PCBP3: variants seen among roughly 807,000 people sequenced by gnomAD.
PCBP3 encodes poly(rC) binding protein 3, also known as poly(rC)-binding protein 3.
Under a neutral mutation model 52.7 loss-of-function variants are expected in PCBP3, and 25 were observed. The ratio of observed to expected loss-of-function variants is 0.47; its 90% CI spans 0.35 to 0.66. The LOEUF (loss-of-function observed/expected upper bound fraction) is 0.66. Ranked by LOEUF, PCBP3 falls within the 30% of genes least tolerant of loss-of-function variation. The pLI is 0.01. For missense variants in PCBP3, 391 were observed against 490.3 expected (o/e 0.80, Z 1.91); for synonymous variants, 162 against 183.0 (o/e 0.89, Z 0.93).
chr21:45,714,877 C>T (rs1001785908), intron 2 of PCBP3, among the ~76,000 whole-genome samples: 7 of 152,120 alleles, frequency 4.6e-5, no homozygotes, highest in Non-Finnish European at 7.4e-5. Flanking sequence ...TATGACCCAC[C>T]GATGCCATTT....
intron 4 of PCBP3, among the ~76,000 whole-genome samples, chr21:45,822,198 C>A (rs532855038): frequency 6.6e-6 from 1 of 152,282 alleles, no homozygotes; most frequent in African/African-American, 2.4e-5. Context: ...GGCAGGACTC[C>A]TGCAGGCACA....
chr21:45,767,278 C>T (rs2089434296), intron 4 of PCBP3, among the ~76,000 whole-genome samples: 1 of 152,144 alleles, frequency 6.6e-6, no homozygotes, highest in African/African-American at 2.4e-5. Flanking sequence ...TTTGCCCATG[C>T]TGGGTATTTA....
intron 13 of PCBP3, chr21:45,918,713 C>G (rs2742204): frequency 9.2e-5 from 13 of 141,294 alleles, no homozygotes; most frequent in South Asian, 4.6e-4. Flanking sequence ...TCAGATAAAC[C>G]GTCGGTGTAA....
chr21:45,750,395 AC>A (rs56245641), intron 3 of PCBP3: 27,909 of 87,800 alleles, frequency 0.32, 4,820 homozygotes, highest in South Asian at 0.53. Context: ...CTGGGAGCAG[AC>A]CCCCCCCCCC....
intron 4 of PCBP3, among the ~76,000 whole-genome samples, chr21:45,794,516 C>A (rs1399625067): frequency 6.6e-6 from 1 of 152,200 alleles, no homozygotes; most frequent in Admixed American, 6.5e-5. Flanking sequence ...CTCATCAATT[C>A]ACCAAAAGGT....
intron 4 of PCBP3, among the ~76,000 whole-genome samples, chr21:45,834,304 C>T (rs1352430540): frequency 1.3e-5 from 2 of 152,236 alleles, no homozygotes; most frequent in Non-Finnish European, 2.9e-5. Flanking sequence ...GAGCGCCCTC[C>T]GACCAGGGCG....
intron 4 of PCBP3, among the ~76,000 whole-genome samples, chr21:45,779,451 G>C (rs752976594): frequency 6.6e-6 from 1 of 151,988 alleles, no homozygotes; most frequent in East Asian, 1.9e-4. Flanking sequence ...TCCTTAACTC[G>C]CTTTTGGTAT....
At chr21:45,649,019 C>T (rs542455317) in intron 1 of PCBP3, among the ~76,000 whole-genome samples, 28 of 152,254 alleles carry the variant, frequency 1.8e-4, no homozygotes, top group African/African-American at 6.3e-4. Context: ...TGTGTTACTA[C>T]AAGGTAATTG....
intron 5 of PCBP3, among the ~76,000 whole-genome samples, chr21:45,851,718 A>G (rs1356034807): frequency 1.3e-5 from 2 of 152,260 alleles, no homozygotes; most frequent in Non-Finnish European, 2.9e-5. Context: ...CACATTTGAA[A>G]ACATAGGTGA....
At chr21:45,905,207 T>C (rs770537482) in intron 9 of PCBP3, among the ~76,000 whole-genome samples, 1 of 152,174 alleles carries the variant, frequency 6.6e-6, no homozygotes, top group Non-Finnish European at 1.5e-5. Context: ...GCTAAAGCAC[T>C]AGTTGGGCAG....
At chr21:45,866,649 C>T (rs975081810) in intron 5 of PCBP3, among the ~76,000 whole-genome samples, 8 of 151,958 alleles carry the variant, frequency 5.3e-5, no homozygotes, top group African/African-American at 1.5e-4. Flanking sequence ...TGGTGGGAGG[C>T]GGGGGTGGCT....
chr21:45,670,593 A>G (rs192355075), intron 2 of PCBP3, among the ~76,000 whole-genome samples: 6 of 152,340 alleles, frequency 3.9e-5, no homozygotes, highest in Admixed American at 1.3e-4. Context: ...GGACAACCGG[A>G]TGAGTAGAAC....
chr21:45,940,231 C>A, intron 17 of PCBP3, 32 bp downstream of exon 17: 1 of 1,581,294 alleles, frequency 6.3e-7, no homozygotes, highest in Non-Finnish European at 8.6e-7. Flanking sequence ...CTGAGAGACG[C>A]CCGGAAAGGG....
intron 5 of PCBP3, among the ~76,000 whole-genome samples, chr21:45,889,208 A>G (rs1266821195): frequency 6.6e-6 from 1 of 152,106 alleles, no homozygotes; most frequent in Non-Finnish European, 1.5e-5. Context: ...GGGGCTTCAG[A>G]GACGGTGGAG....
chr21:45,667,121 CCCCTT>C (rs1194560201), intron 1 of PCBP3, among the ~76,000 whole-genome samples: 36 of 99,812 alleles, frequency 3.6e-4, no homozygotes, highest in African/African-American at 1.4e-3. Context: ...TCTTTCTTTC[CCCCTT>C]CCCTTCCCTT....
intron 16 of PCBP3, among the ~76,000 whole-genome samples, chr21:45,938,594 G>A (rs2149588587): frequency 6.6e-6 from 1 of 152,370 alleles, no homozygotes; most frequent in African/African-American, 2.4e-5. Context: ...TGAGCAGGGA[G>A]AGGGCTGGAC....
chr21:45,660,161 A>G (rs1441458826), intron 1 of PCBP3, among the ~76,000 whole-genome samples: 1 of 151,882 alleles, frequency 6.6e-6, no homozygotes, highest in Non-Finnish European at 1.5e-5. Context: ...ATATATATGT[A>G]TATATATGTA....
chr21:45,686,757 A>G (rs1477642817), intron 2 of PCBP3, among the ~76,000 whole-genome samples: 1 of 152,228 alleles, frequency 6.6e-6, no homozygotes, highest in Non-Finnish European at 1.5e-5. Flanking sequence ...AATATCAGAA[A>G]TGAAAACTTT....
At chr21:45,680,261 G>T (rs1465922033) in intron 2 of PCBP3, among the ~76,000 whole-genome samples, 2 of 152,028 alleles carry the variant, frequency 1.3e-5, no homozygotes, top group Non-Finnish European at 2.9e-5. Context: ...ACACATTTTT[G>T]ATGAAATTTT....
Sources: gnomAD v4.1 joint callset for allele counts (sites outside exome capture counted in the v4.1 genomes callset) on GRCh38, gnomAD v4.1.1 for gene constraint, MANE v1.5 for transcripts, NCBI Gene and HGNC (gene_info 2026-07-23, HGNC 2026-07-21) for gene names.